Variants in GLT6D1 observed in about 807,000 individuals in gnomAD.
GLT6D1 encodes the protein putative glycosyltransferase 6 domain-containing protein 1.
In GLT6D1, 9 loss-of-function variants were observed where a neutral mutation model predicts 12.3. The ratio of observed to expected loss-of-function variants is 0.73; its 90% CI spans 0.44 to 1.27. GLT6D1 has a LOEUF of 1.27. GLT6D1 is among the 50% of genes most tolerant of loss of function. The pLI, the probability that GLT6D1 is intolerant of heterozygous loss-of-function variation, is 0.00. For synonymous variants in GLT6D1, 128 were observed against 132.3 expected, an observed-to-expected ratio of 0.97 and a Z score of 0.23; for missense variants, 335 against 346.2, an observed-to-expected ratio of 0.97 and a Z score of 0.26.
At chr9:135,625,992 C>T in intron 4 of GLT6D1, 77 bp downstream of exon 4, 8 of 1,507,262 alleles carry the variant, frequency 5.3e-6, no homozygotes, top group Middle Eastern at 3.7e-4. Flanking sequence ...ATGGTTGGCT[C>T]TTTGGAGGTT....
At chr9:135,631,325 A>G (rs1475515498) in intron 3 of GLT6D1, 106 bp downstream of exon 3, 2 of 870,648 alleles carry the variant, frequency 2.3e-6, no homozygotes, top group Non-Finnish European at 3.9e-6. Context: ...CAATTCTGGA[A>G]ACGTCCCAGG....
chr9:135,635,790 G>GT (rs1361302117), intron 2 of GLT6D1, among the ~76,000 whole-genome samples: 1 of 152,166 alleles, frequency 6.6e-6, no homozygotes, highest in African/African-American at 2.4e-5. Context: ...TCTGTTCATA[G>GT]TAAGGTAAAC....
At chr9:135,637,373 G>GA (rs1564278505) in intron 2 of GLT6D1, among the ~76,000 whole-genome samples, 6 of 149,748 alleles carry the variant, frequency 4.0e-5, no homozygotes, top group African/African-American at 1.5e-4. Context: ...GGTTTGTGTG[G>GA]ACATAAGTGT....
chr9:135,627,407 G>A (rs1833547564), intron 3 of GLT6D1, among the ~76,000 whole-genome samples: 1 of 152,162 alleles, frequency 6.6e-6, no homozygotes, highest in African/African-American at 2.4e-5. Flanking sequence ...GAAATACTTT[G>A]ATATATCACT....
intron 3 of GLT6D1, among the ~76,000 whole-genome samples, chr9:135,628,329 G>A (rs549370778): frequency 6.6e-6 from 1 of 152,078 alleles, no homozygotes; most frequent in East Asian, 1.9e-4. Context: ...TGCATCTATT[G>A]AGATGATCCT....
intron 3 of GLT6D1, among the ~76,000 whole-genome samples, chr9:135,626,910 C>T (rs1172788021): frequency 1.3e-5 from 2 of 152,200 alleles, no homozygotes; most frequent in Non-Finnish European, 2.9e-5. Flanking sequence ...GAAGATCAAT[C>T]ACATGCTCAA....
intron 2 of GLT6D1, among the ~76,000 whole-genome samples, chr9:135,632,133 A>G (rs1833662715): frequency 2.2e-5 from 2 of 92,604 alleles, no homozygotes; most frequent in Non-Finnish European, 4.3e-5. Context: ...TAACCCTGGG[A>G]GCAATTTTTT....
chr9:135,639,116 C>A lies in GLT6D1; in HGVS notation c.71+1G>T. 1 of 1,511,830 alleles carries A rather than the reference C, an allele frequency of 6.6e-7. No individual in the cohort carries two copies. The highest frequency in any genetic ancestry group is 9.2e-7 in the Non-Finnish European group (1 of 1,089,654). The allele number at this position is 1,511,830 out of a possible 1,614,324, so 93.7% of individuals were successfully genotyped here. On this transcript the variant is annotated splice_donor_variant, in intron 2 of 4. Coordinates refer to ENST00000371763, the MANE Select transcript of GLT6D1 (RefSeq NM_182974.3). LOFTEE classifies it high-confidence loss of function. Reference sequence around the variant, plus strand: ...ATGATTTATCAATACTTTATATTTACCTGAAATAACGCTCAACCAACATCA... The same window carrying A: ...ATGATTTATCAATACTTTATATTTAACTGAAATAACGCTCAACCAACATCA...
At chr9:135,636,619 C>T (rs1428215126) in intron 2 of GLT6D1, among the ~76,000 whole-genome samples, 1 of 152,102 alleles carries the variant, frequency 6.6e-6, no homozygotes, top group East Asian at 1.9e-4. Context: ...CACTGTCATA[C>T]AGAACAGTTT....
At chr9:135,635,335 A>G (rs1262212496) in intron 2 of GLT6D1, among the ~76,000 whole-genome samples, 1 of 152,170 alleles carries the variant, frequency 6.6e-6, no homozygotes, top group Non-Finnish European at 1.5e-5. Flanking sequence ...AATCCCTTCC[A>G]TCCCTCCTGG....
At chr9:135,637,962 A>G (rs1387063547) in intron 2 of GLT6D1, among the ~76,000 whole-genome samples, 1 of 152,220 alleles carries the variant, frequency 6.6e-6, no homozygotes, top group Non-Finnish European at 1.5e-5. Context: ...GGAGAAAGCT[A>G]GAATTTGAGT....
intron 3 of GLT6D1, among the ~76,000 whole-genome samples, chr9:135,630,666 C>T (rs1225922106): frequency 6.6e-6 from 1 of 150,702 alleles, no homozygotes; most frequent in African/African-American, 2.4e-5. Flanking sequence ...TTGCAGTGAA[C>T]TAAGATCACA....
At chr9:135,633,672 A>C (rs896121593) in intron 2 of GLT6D1, among the ~76,000 whole-genome samples, 3 of 152,212 alleles carry the variant, frequency 2.0e-5, no homozygotes, top group Non-Finnish European at 2.9e-5. Flanking sequence ...CTTCTGCTAA[A>C]AAAGATTCAC....
At chr9:135,632,396 G>A (rs767114428) in intron 2 of GLT6D1, among the ~76,000 whole-genome samples, 30 of 152,128 alleles carry the variant, frequency 2.0e-4, no homozygotes, top group Non-Finnish European at 4.4e-4. Context: ...AAGACTGTCC[G>A]TCCCCCTTTC....
upstream of GLT6D1, among the ~76,000 whole-genome samples, chr9:135,640,777 A>T (rs995145525): frequency 6.6e-6 from 1 of 152,164 alleles, no homozygotes; most frequent in Non-Finnish European, 1.5e-5. Flanking sequence ...TTATATTTCT[A>T]TGGGGCAGTT....
intron 3 of GLT6D1, 28 bp from the exon 4 acceptor site, chr9:135,626,234 G>C: frequency 1.2e-6 from 2 of 1,611,416 alleles, no homozygotes; most frequent in South Asian, 2.2e-5. Context: ...AGTTAAACAG[G>C]GAGTGCTTTA....
At chr9:135,637,704 C>A (rs1027022054) in intron 2 of GLT6D1, among the ~76,000 whole-genome samples, 5 of 152,080 alleles carry the variant, frequency 3.3e-5, no homozygotes, top group Non-Finnish European at 7.4e-5. Context: ...TTGTGAGATT[C>A]TATTCAGTTC....
intron 2 of GLT6D1, among the ~76,000 whole-genome samples, chr9:135,634,987 G>A (rs557052660): frequency 8.5e-5 from 13 of 152,210 alleles, no homozygotes; most frequent in South Asian, 4.1e-4. Context: ...GGACTGGGGC[G>A]TCAGGTTCTG....
rs999713572 is a variant in GLT6D1, at chr9:135,638,288, C to T, written c.71+829G>A. On this transcript the variant is annotated intron_variant, in intron 2 of 4. Transcript: ENST00000371763. Reference sequence around the variant, plus strand: ...CCTCCCCCGGGTCCCTCCCACAACACGTGGGAATTCTGGGAGATACAATTC... The same window carrying T: ...CCTCCCCCGGGTCCCTCCCACAACATGTGGGAATTCTGGGAGATACAATTC... Among the ~76,000 whole-genome samples the T allele has an allele frequency of 1.3e-4, 20 of 152,298 alleles. 1 individual carries two copies. The highest frequency in any genetic ancestry group is 6.2e-4 in the South Asian group (3 of 4,818).
Sources: allele counts gnomAD v4.1 joint callset (sites outside exome capture counted in the v4.1 genomes callset), GRCh38; gene constraint gnomAD v4.1.1; transcripts MANE v1.5; gene names NCBI Gene and HGNC (gene_info 2026-07-23, HGNC 2026-07-21).